The following NFKBIE variants were observed in gnomAD, a reference collection of about 807,000 sequenced individuals.
NFKBIE encodes NFKB inhibitor epsilon.
In NFKBIE, 11 loss-of-function variants were observed where a neutral mutation model predicts 31.6. The ratio of observed to expected loss-of-function variants is 0.35; its 90% CI spans 0.22 to 0.58. The LOEUF is 0.58. Among genes scored for constraint, NFKBIE ranks in the 20% least tolerant of loss-of-function variants. The pLI, the probability that NFKBIE is intolerant of heterozygous loss-of-function variation, is 0.83. For missense variants in NFKBIE, 354 were observed against 465.7 expected, an observed-to-expected ratio of 0.76 and a Z score of 2.21; for synonymous variants, 208 against 210.1, an observed-to-expected ratio of 0.99 and a Z score of 0.09.
rs1448595342 is a variant in NFKBIE at position 44,263,122 on chromosome 6, C to T, written c.366-460G>A. On this transcript the variant is annotated intron_variant, in intron 1 of 5. Transcript: ENST00000619360. The surrounding 1 kb of genome is among the most constrained non-coding windows in gnomAD (Gnocchi z 5.0). ...TACCCCCAAGCAACTCAGTGTTACA[C>T]ATTCCAAGGGAGAGACACAGAAACT... 6.6e-6 allele frequency among the ~76,000 whole-genome samples: 1 copy of T among 152,228 alleles called. No individual in the cohort carries two copies. The highest frequency in any genetic ancestry group is 6.5e-5 in the Admixed American group (1 of 15,290).
chr6:44,260,129 C>T lies in NFKBIE; in HGVS notation c.934G>A (p.Gly312Ser), dbSNP rs764383435. The change falls in exon 5 of 6, where the codon GGC becomes AGC. Residue 312 changes from glycine (G) to serine (S), a missense_variant. Coordinates refer to ENST00000619360, the MANE Select transcript of NFKBIE (RefSeq NM_004556.3). This position sits in a 1 kb window ranked among gnomAD's most constrained non-coding sequence, Gnocchi z 5.5. ...LHLAAGRGLM[G>S]ISSTLCKAGA... The stretch of plus-strand genomic sequence containing the variant: ...GCCTTGCACAGAGTGGATGAGATGC[C>T]CATGAGACCCCGGCCAGCTGCCAGG... 48 of 1,614,102 alleles carry T rather than the reference C, an allele frequency of 3.0e-5. No homozygotes were observed. The highest frequency in any genetic ancestry group is 2.7e-4 in the Admixed American group (16 of 60,012).
At position 44,260,605 on chromosome 6, in the gene NFKBIE, G is replaced by C. The variant is rs1781862881; in HGVS notation, c.692-66C>G. On this transcript the variant is annotated intron_variant, in intron 3 of 5. Coordinates refer to ENST00000619360, the MANE Select transcript of NFKBIE (RefSeq NM_004556.3). This position sits in a 1 kb window ranked among gnomAD's most constrained non-coding sequence, Gnocchi z 5.5. ...CATCCACCAACTCCCTCTCTTCTGG[G>C]ACCTCCCTACCACTCAGCCCCAAGG... 2.0e-6 allele frequency: 3 copies of C among 1,490,962 alleles called. No homozygotes were observed. The highest frequency in any genetic ancestry group is 2.8e-6 in the Non-Finnish European group (3 of 1,069,792). 92.4% of individuals were successfully genotyped at this position (1,490,962 alleles called of 1,614,324 possible).
At chr6:44,262,196 T>C (rs1301271446) in intron 2 of NFKBIE, among the ~76,000 whole-genome samples, 2 of 152,106 alleles carry the variant, frequency 1.3e-5, no homozygotes, top group Non-Finnish European at 1.5e-5. Flanking sequence ...GGAGGAAAGA[T>C]AGAGGCACCG....
chr6:44,264,359 G>A (rs1280905066), intron 1 of NFKBIE, among the ~76,000 whole-genome samples: 2 of 152,206 alleles, frequency 1.3e-5, no homozygotes, highest in Non-Finnish European at 2.9e-5. Flanking sequence ...TAGTGGGACT[G>A]GGGGCTCTGG....
In NFKBIE at chr6:44,262,611, G is replaced by A; in HGVS notation, c.417C>T (p.Cys139=). ...GGACCTCCTGGGGCAGCAAAGCCAG[G>A]CAACAGAGCAGCACCGCTGGGGCCT... ...IHEAPAVLLC[C]LALLPQEVLD... is the part of the protein sequence containing the mutation. The change falls in exon 2 of 6, where the codon TGC becomes TGT. Residue 139 remains cysteine (C), a synonymous_variant. Coordinates refer to ENST00000619360, the MANE Select transcript of NFKBIE (RefSeq NM_004556.3). 1 of 1,614,166 alleles carries A rather than the reference G, an allele frequency of 6.2e-7. No individual in the cohort carries two copies.
chr6:44,260,486 A>C lies in NFKBIE; in HGVS notation c.745T>G (p.Leu249Val). ...ATGTCAGCTCCATTCCGAAGCAGCA[A>C]TTCCATGAGTGGTTGGTTCTTCTGA... Reference protein sequence around the residue: ...TLQKNQPLMELLLRNGADIDV... With the variant: ...TLQKNQPLMEVLLRNGADIDV... Residue 249 changes from leucine to valine, a missense_variant, in exon 4 of 6, where the codon TTG (leucine) becomes GTG (valine). Leu to Val is a conservative substitution (Grantham distance 32, BLOSUM62 1). Around this residue, in one of 2 missense-constraint regions of NFKBIE, gnomAD observed 183 missense variants for 310.6 expected, o/e 0.59. Coordinates refer to ENST00000619360, the MANE Select transcript of NFKBIE (RefSeq NM_004556.3). This position sits in a 1 kb window ranked among gnomAD's most constrained non-coding sequence, Gnocchi z 5.5. The C allele has an allele frequency of 5.6e-6, 9 of 1,614,140 alleles. No individual in the cohort carries two copies. The highest frequency in any genetic ancestry group is 7.6e-6 in the Non-Finnish European group (9 of 1,180,006).
In NFKBIE at chr6:44,260,290, G is replaced by A. The variant is rs754819774; in HGVS notation, c.781-8C>T. 4 of 1,607,180 alleles carry A rather than the reference G, an allele frequency of 2.5e-6. No homozygotes were observed. The highest frequency in any genetic ancestry group is 3.3e-5 in the Admixed American group (2 of 59,938). On this transcript the variant is annotated splice_polypyrimidine_tract_variant and splice_region_variant and intron_variant, in intron 4 of 5. Coordinates refer to ENST00000619360, the MANE Select transcript of NFKBIE (RefSeq NM_004556.3). This position sits in a 1 kb window ranked among gnomAD's most constrained non-coding sequence, Gnocchi z 5.5. ...CTTACCACTGGTGCCCTCCTGGGGA[G>A]GAATAAGGATGTCAGCCAAGGCCCT...
At chr6:44,264,610 C>T (rs550113304) in intron 1 of NFKBIE, among the ~76,000 whole-genome samples, 18 of 152,324 alleles carry the variant, frequency 1.2e-4, no homozygotes, top group Admixed American at 7.2e-4. Flanking sequence ...TGAGACAGAG[C>T]ATTCTGAGGT....
Position 44,260,864 on chromosome 6 carries a change from C to CACACACACACAG in NFKBIE, c.692-326_692-325insCTGTGTGTGTGT, listed in dbSNP as rs1554142188. ...ACACACACACACACACATACAGACA[C>CACACACACACAG]ACACACACACACACACACACACACA... On this transcript the variant is annotated intron_variant, in intron 3 of 5. Coordinates refer to ENST00000619360, the MANE Select transcript of NFKBIE (RefSeq NM_004556.3). This position sits in a 1 kb window ranked among gnomAD's most constrained non-coding sequence, Gnocchi z 5.5. 0.012 allele frequency among the ~76,000 whole-genome samples: 1,262 copies of CACACACACACAG among 107,220 alleles called. 21 individuals carry two copies. The highest frequency in any genetic ancestry group is 0.023 in the East Asian group (104 of 4,458). The allele number at this position is 107,220 out of a possible 152,430, so 70.3% of individuals were successfully genotyped here.
At chr6:44,264,481 C>A (rs1214132898) in intron 1 of NFKBIE, among the ~76,000 whole-genome samples, 1 of 152,110 alleles carries the variant, frequency 6.6e-6, no homozygotes, top group Non-Finnish European at 1.5e-5. Context: ...GCAAGAGTGC[C>A]CCAGCCTGGC....
rs1781980317 is a variant in NFKBIE, at chr6:44,263,048, C to T, written c.366-386G>A. On this transcript the variant is annotated intron_variant, in intron 1 of 5. Coordinates refer to ENST00000619360, the MANE Select transcript of NFKBIE (RefSeq NM_004556.3). This position sits in a 1 kb window ranked among gnomAD's most constrained non-coding sequence, Gnocchi z 5.0. ...AGGGGGTTTCCAGGGCTAAGCACCC[C>T]ACCACCCCAGCACACAGGAAAGAAG... Among the ~76,000 whole-genome samples the T allele has an allele frequency of 6.6e-6, 1 of 152,228 alleles. No individual in the cohort carries two copies. Among genetic ancestry groups the T allele is most frequent in the Non-Finnish European group, 1.5e-5 (1 of 68,040 alleles).
In NFKBIE at chr6:44,263,223, G is replaced by C. The variant is rs766918768; in HGVS notation, c.366-561C>G. On this transcript the variant is annotated intron_variant, in intron 1 of 5. Coordinates refer to ENST00000619360, the MANE Select transcript of NFKBIE (RefSeq NM_004556.3). The surrounding 1 kb of genome is among the most constrained non-coding windows in gnomAD (Gnocchi z 5.0). The stretch of plus-strand genomic sequence containing the variant: ...CCTGGGAGTCAAGAGGCACCTCTCA[G>C]ATAGCACAGACCAGGTCGGGCCTAA... Among the ~76,000 whole-genome samples the C allele has an allele frequency of 4.6e-5, 7 of 152,234 alleles. No homozygotes were observed. Among genetic ancestry groups the C allele is most frequent in the Non-Finnish European group, 7.3e-5 (5 of 68,046 alleles).
Position 44,265,049 on chromosome 6 carries a change from G to C in NFKBIE, c.298C>G (p.Pro100Ala). ...TGAGGGCTCAGCGCCCCCACGTGGG[G>C]GAGTGGCAGGCGTGGGGCCGGGTCC... ...AEDPAPRLPL[P>A]HVGALSPQQL... is the part of the protein sequence containing the mutation. Residue 100 changes from proline (P) to alanine (A), a missense_variant, in exon 1 of 6, where the codon CCC becomes GCC. By Grantham distance (27) the Pro-to-Ala change is conservative. Coordinates refer to ENST00000619360, the MANE Select transcript of NFKBIE (RefSeq NM_004556.3). 6.3e-7 allele frequency: 1 copy of C among 1,580,532 alleles called. No individual in the cohort carries two copies. The highest frequency in any genetic ancestry group is 8.6e-7 in the Non-Finnish European group (1 of 1,163,290).
In NFKBIE at chr6:44,261,535, G is replaced by A; in HGVS notation, c.691+91C>T. ...TGGGAGGGGCACCAATGGACAAGCT[G>A]GGACCCTCCCTTCCCCAAGAGTGAG... On this transcript the variant is annotated intron_variant, in intron 3 of 5. Coordinates refer to ENST00000619360, the MANE Select transcript of NFKBIE (RefSeq NM_004556.3). The surrounding 1 kb of genome is among the most constrained non-coding windows in gnomAD (Gnocchi z 4.3). The A allele has an allele frequency of 9.5e-6, 13 of 1,375,470 alleles. No individual in the cohort carries two copies. The highest frequency in any genetic ancestry group is 1.3e-5 in the Non-Finnish European group (13 of 986,976). 85.2% of individuals were successfully genotyped at this position (1,375,470 alleles called of 1,614,324 possible).
Position 44,265,543 on chromosome 6 carries a change from G to A in NFKBIE, c.-197C>T. On this transcript the variant is annotated 5_prime_UTR_variant, in exon 1 of 6. Coordinates refer to ENST00000619360, the MANE Select transcript of NFKBIE (RefSeq NM_004556.3). ...TCGGAGCGCTGGCCAGGTCCACCCA[G>A]CGGTTACTGTGGGCAGCCGAACCGC... is the stretch of plus-strand genomic sequence containing the variant. The A allele has an allele frequency of 6.4e-7, 1 of 1,574,576 alleles. No individual in the cohort carries two copies. Among genetic ancestry groups the A allele is most frequent in the Non-Finnish European group, 8.6e-7 (1 of 1,162,130 alleles).
chr6:44,262,548 C>T lies in NFKBIE; in HGVS notation c.468+12G>A. ...AACAGGTATCTGGGCATAACATTCT[C>T]TCGCCACCAACCTGGTAAAGGTTAT... is the stretch of plus-strand genomic sequence containing the variant. On this transcript the variant is annotated intron_variant, in intron 2 of 5. Coordinates refer to ENST00000619360, the MANE Select transcript of NFKBIE (RefSeq NM_004556.3). 2 of 1,612,036 alleles carry T rather than the reference C, an allele frequency of 1.2e-6. No homozygotes were observed. Among genetic ancestry groups the T allele is most frequent in the Non-Finnish European group, 1.7e-6 (2 of 1,178,276 alleles).
At chr6:44,259,591 G>A (rs1311463359) in intron 5 of NFKBIE, among the ~76,000 whole-genome samples, 1 of 152,010 alleles carries the variant, frequency 6.6e-6, no homozygotes, top group Non-Finnish European at 1.5e-5. Flanking sequence ...TGGGGTGGGG[G>A]GGCTGCTGGG....
rs201858120 is a variant in NFKBIE, at chr6:44,265,489, G to C, written c.-143C>G. On this transcript the variant is annotated 5_prime_UTR_variant, in exon 1 of 6. Transcript: ENST00000619360. The stretch of plus-strand genomic sequence containing the variant: ...CCTCCTTCCCGGGCTGTGGGGCTCC[G>C]AGGGGCCGGCGCGCAGCGAGGACAA... The C allele has an allele frequency of 5.9e-4, 902 of 1,532,762 alleles. 8 individuals are homozygous for C. In the East Asian group the frequency reaches 0.021, roughly 35 times the overall value. The allele number at this position is 1,532,762 out of a possible 1,614,324, so 94.9% of individuals were successfully genotyped here.
rs1782008128 is a variant in NFKBIE at position 44,263,667 on chromosome 6, C to T, written c.366-1005G>A. On this transcript the variant is annotated intron_variant, in intron 1 of 5. Coordinates refer to ENST00000619360, the MANE Select transcript of NFKBIE (RefSeq NM_004556.3). The surrounding 1 kb of genome is among the most constrained non-coding windows in gnomAD (Gnocchi z 5.0). ...CTCCCTCTCTCCCCCAGTATCCCCT[C>T]CTCCCACTTCCTCTTCCCACTTCCA... Among the ~76,000 whole-genome samples the T allele has an allele frequency of 6.6e-6, 1 of 150,798 alleles. No individual in the cohort carries two copies. Among genetic ancestry groups the T allele is most frequent in the South Asian group, 2.1e-4 (1 of 4,822 alleles).
Sources: allele counts gnomAD v4.1 joint callset (sites outside exome capture counted in the v4.1 genomes callset), GRCh38; gene constraint gnomAD v4.1.1; regional missense constraint gnomAD v4.1.1; non-coding constraint Gnocchi (gnomAD v3.1); transcripts MANE v1.5; gene names NCBI Gene and HGNC (gene_info 2026-07-23, HGNC 2026-07-21).